CDH18: variants seen among roughly 807,000 people sequenced by gnomAD.
The protein encoded by CDH18 is cadherin-18.
In CDH18, 31 loss-of-function variants were observed where a neutral mutation model predicts 67.9. The observed-to-expected ratio is 0.46, with a 90% CI of 0.34 to 0.62. CDH18 has a LOEUF of 0.62. Among genes scored for constraint, CDH18 ranks in the 20% least tolerant of loss-of-function variants. The pLI is 0.01. For synonymous variants in CDH18, 362 were observed against 347.2 expected, an observed-to-expected ratio of 1.04 and a Z score of -0.48; for missense variants, 890 against 975.5, an observed-to-expected ratio of 0.91 and a Z score of 1.17.
intron 6 of CDH18, among the ~76,000 whole-genome samples, chr5:19,599,710 G>C (rs1746758907): frequency 6.6e-6 from 1 of 152,032 alleles, no homozygotes; most frequent in Admixed American, 6.6e-5. Flanking sequence ...AGACCATCCT[G>C]GCTAACACGG....
chr5:20,356,753 C>CTATATA (rs35935150), intron 1 of CDH18, among the ~76,000 whole-genome samples: 23 of 121,542 alleles, frequency 1.9e-4, no homozygotes, highest in East Asian at 4.7e-4. Flanking sequence ...CTCTCTCTCT[C>CTATATA]TATATATATA....
At chr5:19,629,806 C>T (rs1752136851) in intron 5 of CDH18, among the ~76,000 whole-genome samples, 1 of 151,890 alleles carries the variant, frequency 6.6e-6, no homozygotes, top group African/African-American at 2.4e-5. Flanking sequence ...ATTTGAAAGA[C>T]TTTTCACACT....
At chr5:20,438,131 A>C (rs1749315509) in intron 1 of CDH18, among the ~76,000 whole-genome samples, 1 of 151,242 alleles carries the variant, frequency 6.6e-6, no homozygotes, top group Non-Finnish European at 1.5e-5. Flanking sequence ...CAAAAAGAAC[A>C]TGCTGATATA....
At chr5:20,349,547 T>C (rs1561994073) in intron 1 of CDH18, among the ~76,000 whole-genome samples, 2 of 152,058 alleles carry the variant, frequency 1.3e-5, no homozygotes, top group Non-Finnish European at 2.9e-5. Flanking sequence ...GATAAAATAG[T>C]AGATTATTGA....
chr5:19,721,697 T>C (rs1175341573), intron 4 of CDH18, among the ~76,000 whole-genome samples: 1 of 152,190 alleles, frequency 6.6e-6, no homozygotes, highest in African/African-American at 2.4e-5. Flanking sequence ...TTAACATGGC[T>C]CTTTATGTGT....
intron 11 of CDH18, among the ~76,000 whole-genome samples, chr5:19,485,281 C>A (rs1483112149): frequency 2.1e-5 from 3 of 144,856 alleles, no homozygotes; most frequent in African/African-American, 7.7e-5. Context: ...TTTTAGATGG[C>A]GTCTCGCTCT....
At chr5:20,303,214 T>C (rs1227570654) in intron 1 of CDH18, among the ~76,000 whole-genome samples, 1 of 152,150 alleles carries the variant, frequency 6.6e-6, no homozygotes, top group Non-Finnish European at 1.5e-5. Context: ...ATCTTCTTTT[T>C]CTAGGATGGT....
At chr5:19,485,911 C>T (rs1055561639) in intron 11 of CDH18, among the ~76,000 whole-genome samples, 8 of 151,982 alleles carry the variant, frequency 5.3e-5, no homozygotes, top group Admixed American at 2.0e-4. Flanking sequence ...GCCTAGCATA[C>T]GTCTCATATT....
At chr5:20,371,193 T>A (rs1742971716) in intron 1 of CDH18, among the ~76,000 whole-genome samples, 1 of 150,376 alleles carries the variant, frequency 6.6e-6, no homozygotes. Context: ...AGGGGGAGGG[T>A]TGGTGAGGAT....
At chr5:20,341,929 T>C (rs185355560) in intron 1 of CDH18, among the ~76,000 whole-genome samples, 34 of 152,258 alleles carry the variant, frequency 2.2e-4, no homozygotes, top group African/African-American at 7.9e-4. Context: ...AGGAACATAA[T>C]GAAGCTGGTT....
At chr5:20,055,084 TC>T (rs1286872533) in intron 2 of CDH18, among the ~76,000 whole-genome samples, 1 of 152,148 alleles carries the variant, frequency 6.6e-6, no homozygotes, top group Non-Finnish European at 1.5e-5. Flanking sequence ...CATTTTTTTT[TC>T]CTTATTCTGT....
intron 1 of CDH18, among the ~76,000 whole-genome samples, chr5:20,266,872 A>C (rs1305337993): frequency 1.3e-5 from 2 of 152,114 alleles, no homozygotes; most frequent in African/African-American, 4.8e-5. Context: ...GGGTAACTTC[A>C]TGACTAAAAA....
In CDH18 at chr5:19,863,173, T is replaced by A. The variant is rs116688635; in HGVS notation, c.-256-23931A>T. ...AAGGTAGGGAAAGAGAAACTGGTGT[T>A]ACCCAGTGTGAGAGCGGGATAAACT... On this transcript the variant is annotated intron_variant, in intron 2 of 12. Transcript: ENST00000382275. 1.4e-3 allele frequency among the ~76,000 whole-genome samples: 215 copies of A among 152,056 alleles called. 1 individual carries two copies. The highest frequency in any genetic ancestry group is 5.0e-3 in the African/African-American group (206 of 41,458).
At chr5:20,316,658 C>T (rs1174070876) in intron 1 of CDH18, among the ~76,000 whole-genome samples, 3 of 151,730 alleles carry the variant, frequency 2.0e-5, no homozygotes, top group African/African-American at 7.3e-5. Flanking sequence ...GCATTTTGAC[C>T]TTGGAGAAGA....
intron 1 of CDH18, among the ~76,000 whole-genome samples, chr5:20,574,449 G>A (rs10472421): frequency 0.11 from 16,707 of 151,810 alleles, 1,177 homozygotes; most frequent in African/African-American, 0.19. Flanking sequence ...GACAGTCAGA[G>A]CAATTCTCGG....
chr5:20,138,252 C>T (rs1387726850), intron 2 of CDH18, among the ~76,000 whole-genome samples: 1 of 152,038 alleles, frequency 6.6e-6, no homozygotes, highest in Non-Finnish European at 1.5e-5. Context: ...AGGCCTTTGA[C>T]AAAATTCAAC....
chr5:20,361,553 G>T (rs1292378551), intron 1 of CDH18, among the ~76,000 whole-genome samples: 1 of 151,912 alleles, frequency 6.6e-6, no homozygotes, highest in Non-Finnish European at 1.5e-5. Context: ...AAATAATGTG[G>T]TTTTATTAGG....
intron 4 of CDH18, among the ~76,000 whole-genome samples, chr5:19,746,325 T>TA (rs1185437136): frequency 3.9e-5 from 6 of 152,204 alleles, no homozygotes; most frequent in Non-Finnish European, 5.9e-5. Flanking sequence ...GGCTATTTTC[T>TA]AAATATGTGA....
chr5:19,633,912 A>G (rs2150191459), intron 5 of CDH18, among the ~76,000 whole-genome samples: 1 of 152,304 alleles, frequency 6.6e-6, no homozygotes, highest in South Asian at 2.1e-4. Flanking sequence ...GATTACAAGT[A>G]TTAGCCACCA....
Sources: gnomAD v4.1 joint callset for allele counts (sites outside exome capture counted in the v4.1 genomes callset) on GRCh38, gnomAD v4.1.1 for gene constraint, MANE v1.5 for transcripts, NCBI Gene and HGNC (gene_info 2026-07-23, HGNC 2026-07-21) for gene names.